The following INPP5F variants were observed in gnomAD, a reference collection of about 807,000 sequenced individuals.
INPP5F encodes the protein phosphatidylinositide 4-phosphatase SAC2.
In INPP5F, 97 loss-of-function variants were observed where a neutral mutation model predicts 137.2. That is an observed-to-expected ratio of 0.71 (90% CI 0.60 to 0.84). The LOEUF (loss-of-function observed/expected upper bound fraction) is 0.84, where lower values mean the gene tolerates loss of function less well. Among genes scored for constraint, INPP5F ranks in the 40% least tolerant of loss-of-function variants. The probability of loss-of-function intolerance (pLI) is 0.00; values close to 1 mark genes in which losing one functional copy is unlikely to be tolerated. For synonymous variants in INPP5F, 504 were observed against 476.9 expected, an observed-to-expected ratio of 1.06 and a Z score of -0.74; for missense variants, 1,271 against 1,371.9, an observed-to-expected ratio of 0.93 and a Z score of 1.16.
chr10:119,776,844 G>A (rs2134170900), intron 2 of INPP5F, among the ~76,000 whole-genome samples: 1 of 152,104 alleles, frequency 6.6e-6, no homozygotes, highest in Middle Eastern at 3.4e-3. Flanking sequence ...TTGAACTCCT[G>A]GGCTCAAATG....
chr10:119,764,202 AT>A (rs1470446478), intron 2 of INPP5F, among the ~76,000 whole-genome samples: 2 of 152,154 alleles, frequency 1.3e-5, no homozygotes, highest in African/African-American at 2.4e-5. Flanking sequence ...GCCTCTACCC[AT>A]TACCTGGTTC....
intron 16 of INPP5F, among the ~76,000 whole-genome samples, chr10:119,821,251 A>G (rs183681410): frequency 1.3e-5 from 2 of 152,250 alleles, no homozygotes; most frequent in Non-Finnish European, 2.9e-5. Context: ...TTGCATTACT[A>G]TAGTGAAGTT....
At chr10:119,805,555 A>ATT in intron 11 of INPP5F, 94 bp downstream of exon 11, 3 of 864,680 alleles carry the variant, frequency 3.5e-6, no homozygotes, top group Non-Finnish European at 3.7e-6. Context: ...CAGAGACAGC[A>ATT]TTTTTTTTTG....
At chr10:119,796,084 G>A (rs879902906) in intron 6 of INPP5F, among the ~76,000 whole-genome samples, 3 of 142,992 alleles carry the variant, frequency 2.1e-5, no homozygotes, top group Admixed American at 2.1e-4. Context: ...GGGAGAGGGG[G>A]AGGGGGAGGG....
chr10:119,780,668 G>A (rs1849671692), intron 2 of INPP5F, among the ~76,000 whole-genome samples: 3 of 152,052 alleles, frequency 2.0e-5, no homozygotes, highest in Admixed American at 2.0e-4. Flanking sequence ...CTGTGTCTGT[G>A]GATCTAACCA....
chr10:119,759,498 T>A (rs1187903094), intron 2 of INPP5F, among the ~76,000 whole-genome samples: 1 of 152,112 alleles, frequency 6.6e-6, no homozygotes, highest in Non-Finnish European at 1.5e-5. Context: ...TAAGCGATTC[T>A]TGTGCCTCAC....
chr10:119,782,770 G>C (rs180960718), intron 3 of INPP5F, among the ~76,000 whole-genome samples: 1 of 152,316 alleles, frequency 6.6e-6, no homozygotes, highest in East Asian at 1.9e-4. Context: ...CTAGACTCAG[G>C]CTGCCTGGTC....
intron 13 of INPP5F, among the ~76,000 whole-genome samples, chr10:119,809,185 C>T (rs1014758949): frequency 6.7e-6 from 1 of 149,242 alleles, no homozygotes; most frequent in Non-Finnish European, 1.5e-5. Flanking sequence ...CGAGATTGTG[C>T]CATTGCACTC....
intron 2 of INPP5F, among the ~76,000 whole-genome samples, chr10:119,779,684 T>A (rs112736653): frequency 3.4e-4 from 52 of 152,264 alleles, no homozygotes; most frequent in African/African-American, 1.2e-3. Context: ...CCTCTCAAAG[T>A]GCTGCAATTA....
intron 1 of INPP5F, among the ~76,000 whole-genome samples, chr10:119,739,478 T>G (rs1848310751): frequency 6.6e-6 from 1 of 152,206 alleles, no homozygotes; most frequent in South Asian, 2.1e-4. Context: ...AAAACATTTT[T>G]ATTATTTGAT....
intron 2 of INPP5F, among the ~76,000 whole-genome samples, chr10:119,771,389 G>T (rs61867898): frequency 1.3e-5 from 2 of 151,572 alleles, no homozygotes; most frequent in African/African-American, 4.8e-5. Flanking sequence ...TCCGCAGAAG[G>T]AGCTTTTTTT....
intron 9 of INPP5F, among the ~76,000 whole-genome samples, chr10:119,801,326 G>T (rs866345201): frequency 3.3e-5 from 5 of 152,148 alleles, no homozygotes; most frequent in Admixed American, 2.0e-4. Context: ...CATACAGTTG[G>T]TTCTCTTCCA....
intron 2 of INPP5F, among the ~76,000 whole-genome samples, chr10:119,755,987 A>C (rs1201064009): frequency 3.3e-5 from 5 of 151,304 alleles, no homozygotes; most frequent in Admixed American, 6.6e-5. Flanking sequence ...GAAACCCCAT[A>C]TCTACTAGAA....
chr10:119,789,708 A>G lies in INPP5F; in HGVS notation c.316-1809A>G, dbSNP rs1160085276. 6.6e-5 allele frequency among the ~76,000 whole-genome samples: 10 copies of G among 151,934 alleles called. No individual in the cohort carries two copies. In the East Asian group the frequency reaches 1.9e-3, roughly 29 times the overall value. Reference sequence around the variant, plus strand: ...GAGTTTTGGGAGAGAGCTGGGCTCGAAATAAACATTTGGGAAGGTGGGGTT... The same window carrying G: ...GAGTTTTGGGAGAGAGCTGGGCTCGGAATAAACATTTGGGAAGGTGGGGTT... On this transcript the variant is annotated intron_variant, in intron 3 of 19. Transcript: ENST00000650623.
intron 2 of INPP5F, among the ~76,000 whole-genome samples, chr10:119,771,182 A>G (rs182212368): frequency 2.6e-5 from 4 of 152,248 alleles, no homozygotes; most frequent in Admixed American, 2.0e-4. Context: ...CCTGTTCTCA[A>G]TATTTCACAT....
At chr10:119,742,222 C>G (rs971287276) in intron 1 of INPP5F, among the ~76,000 whole-genome samples, 1 of 151,780 alleles carries the variant, frequency 6.6e-6, no homozygotes, top group Non-Finnish European at 1.5e-5. Context: ...GTGGCGCGAT[C>G]TCAGCTCACT....
At position 119,827,873 on chromosome 10, in the gene INPP5F, G is replaced by A; in HGVS notation, c.*93G>A. ...TTTAATTGTACTGTCTGAACCCAGG[G>A]ATCACAAATTCTGTTCATTGGAAAG... On this transcript the variant is annotated 3_prime_UTR_variant, in exon 20 of 20. Transcript: ENST00000650623. 1 of 964,516 alleles carries A rather than the reference G, an allele frequency of 1.0e-6. No individual in the cohort carries two copies. The highest frequency in any genetic ancestry group is 1.6e-5 in the African/African-American group (1 of 60,656). The allele number at this position is 964,516 out of a possible 1,614,324, so 59.7% of individuals were successfully genotyped here. A position where few individuals can be genotyped will look rare whatever the true frequency, so the allele number is the denominator to read the frequency against.
intron 13 of INPP5F, 71 bp downstream of exon 13, chr10:119,808,131 G>T: frequency 6.6e-7 from 1 of 1,520,396 alleles, no homozygotes; most frequent in Non-Finnish European, 8.9e-7. Context: ...TAAAACCACA[G>T]AAATGTGTGT....
rs549806102 is a variant in INPP5F at position 119,748,196 on chromosome 10, G to A, written c.98-2880G>A. On this transcript the variant is annotated intron_variant, in intron 1 of 19. Transcript: ENST00000650623. This position sits in a 1 kb window ranked among gnomAD's most constrained non-coding sequence, Gnocchi z 4.7. ...GGCAGGGCAGGCAGCTCCAGGCACC[G>A]GTACAGGCACTGGCTTTGTGCAAGG... Among the ~76,000 whole-genome samples the A allele has an allele frequency of 3.7e-4, 57 of 152,232 alleles. No individual in the cohort carries two copies. Among genetic ancestry groups the A allele is most frequent in the Non-Finnish European group, 7.3e-4 (50 of 68,040 alleles).
Sources: allele counts gnomAD v4.1 joint callset (sites outside exome capture counted in the v4.1 genomes callset), GRCh38; gene constraint gnomAD v4.1.1; non-coding constraint Gnocchi (gnomAD v3.1); transcripts MANE v1.5; gene names NCBI Gene and HGNC (gene_info 2026-07-23, HGNC 2026-07-21).